MACROD2: variants seen among roughly 807,000 people sequenced by gnomAD.
The protein encoded by MACROD2 is mono-ADP ribosylhydrolase 2.
In MACROD2, 36 loss-of-function variants were observed where a neutral mutation model predicts 70.4. That is an observed-to-expected ratio of 0.51 (90% CI 0.39 to 0.68). The LOEUF is 0.68. MACROD2 is among the 30% of genes least tolerant of loss of function. The probability of loss-of-function intolerance (pLI) is 0.00; values close to 1 mark genes in which losing one functional copy is unlikely to be tolerated. For synonymous variants in MACROD2, 172 were observed against 178.8 expected, an observed-to-expected ratio of 0.96 and a Z score of 0.30; for missense variants, 496 against 538.4, an observed-to-expected ratio of 0.92 and a Z score of 0.78.
chr20:14,248,367 T>C (rs1302200220), intron 3 of MACROD2, among the ~76,000 whole-genome samples: 3 of 152,154 alleles, frequency 2.0e-5, no homozygotes, highest in Admixed American at 2.0e-4. Flanking sequence ...GTGGATCACC[T>C]GAGATCAAGA....
chr20:15,890,756 T>C (rs1255384426), intron 10 of MACROD2, among the ~76,000 whole-genome samples: 1 of 152,124 alleles, frequency 6.6e-6, no homozygotes, highest in Non-Finnish European at 1.5e-5. Context: ...TTTGTTCTGT[T>C]CCTTTTTTAA....
intron 13 of MACROD2, among the ~76,000 whole-genome samples, chr20:15,970,501 C>T (rs2066213747): frequency 6.6e-6 from 1 of 151,902 alleles, no homozygotes; most frequent in Non-Finnish European, 1.5e-5. Context: ...CTCAGTGGCC[C>T]CTGAGAGTCA....
chr20:14,645,514 G>A (rs865974667), intron 4 of MACROD2, among the ~76,000 whole-genome samples: 3 of 151,972 alleles, frequency 2.0e-5, no homozygotes, highest in Non-Finnish European at 4.4e-5. Flanking sequence ...TGATTGTGGT[G>A]TGCTTAATTT....
chr20:14,157,357 G>T (rs1285306812), intron 3 of MACROD2, among the ~76,000 whole-genome samples: 1 of 152,002 alleles, frequency 6.6e-6, no homozygotes, highest in African/African-American at 2.4e-5. Flanking sequence ...GGTGTTTGGG[G>T]TATCCATCAT....
intron 8 of MACROD2, among the ~76,000 whole-genome samples, chr20:15,709,269 G>A (rs1191657013): frequency 6.6e-6 from 1 of 152,208 alleles, no homozygotes; most frequent in Admixed American, 6.5e-5. Flanking sequence ...GGCTTTTCCA[G>A]GCTCCCGCTA....
chr20:14,915,601 C>T (rs2074081826), intron 5 of MACROD2, among the ~76,000 whole-genome samples: 1 of 152,166 alleles, frequency 6.6e-6, no homozygotes, highest in Non-Finnish European at 1.5e-5. Context: ...GCCTCGGCGT[C>T]CGAGGAGCGG....
chr20:15,962,007 T>C (rs1034390195), intron 12 of MACROD2, among the ~76,000 whole-genome samples: 1 of 152,210 alleles, frequency 6.6e-6, no homozygotes, highest in African/African-American at 2.4e-5. Flanking sequence ...ATTAACTTGA[T>C]TGAAAGGGTA....
At position 14,862,900 on chromosome 20, in the gene MACROD2, T is replaced by A. The variant is rs971364872; in HGVS notation, c.418+177941T>A. Among the ~76,000 whole-genome samples, 3 of 150,106 alleles carry A rather than the reference T, an allele frequency of 2.0e-5. No homozygotes were observed. In the Admixed American group the frequency reaches 2.0e-4, roughly 10 times the overall value. On this transcript the variant is annotated intron_variant, in intron 5 of 17. Coordinates refer to ENST00000684519, the MANE Select transcript of MACROD2 (RefSeq NM_001351661.2). ...TTGAACAATGAGCTGTACATTCCTA[T>A]ATGGGAGCCAAACTTTTAGTTAAAT...
chr20:15,734,295 T>C (rs1222323837), intron 8 of MACROD2, among the ~76,000 whole-genome samples: 3 of 152,040 alleles, frequency 2.0e-5, no homozygotes, highest in East Asian at 1.9e-4. Flanking sequence ...AGTCAGCAAA[T>C]AGGAGTACCT....
chr20:15,900,790 G>A (rs2147243079), intron 10 of MACROD2, among the ~76,000 whole-genome samples: 1 of 152,240 alleles, frequency 6.6e-6, no homozygotes, highest in South Asian at 2.1e-4. Flanking sequence ...TATGAGTATG[G>A]ACAGAACTCT....
At chr20:14,028,336 A>T (rs1400548614) in intron 2 of MACROD2, among the ~76,000 whole-genome samples, 1 of 145,498 alleles carries the variant, frequency 6.9e-6, no homozygotes, top group African/African-American at 2.5e-5. Flanking sequence ...ATTACAAGCC[A>T]GTGGATCTTA....
At chr20:14,716,789 G>A (rs1315754378) in intron 5 of MACROD2, among the ~76,000 whole-genome samples, 1 of 152,096 alleles carries the variant, frequency 6.6e-6, no homozygotes, top group Non-Finnish European at 1.5e-5. Flanking sequence ...CTGTCAGGAG[G>A]CATTATAATA....
chr20:15,381,771 CAA>C (rs2045647604), intron 6 of MACROD2, among the ~76,000 whole-genome samples: 1 of 152,086 alleles, frequency 6.6e-6, no homozygotes, highest in Admixed American at 6.6e-5. Flanking sequence ...GGTGTTGGGG[CAA>C]AGTTTGTGTT....
chr20:14,132,702 A>C, intron 3 of MACROD2, among the ~76,000 whole-genome samples: 1 of 151,740 alleles, frequency 6.6e-6, no homozygotes, highest in Non-Finnish European at 1.5e-5. Context: ...CAGTGGCTCA[A>C]TCTTAGCTCA....
chr20:15,609,971 C>T (rs1354693897), intron 8 of MACROD2, among the ~76,000 whole-genome samples: 1 of 152,192 alleles, frequency 6.6e-6, no homozygotes, highest in Admixed American at 6.5e-5. Context: ...TACAGATTAT[C>T]CCAGGCAATG....
At chr20:14,088,254 C>T (rs2054104333) in intron 3 of MACROD2, among the ~76,000 whole-genome samples, 1 of 146,532 alleles carries the variant, frequency 6.8e-6, no homozygotes, top group Middle Eastern at 3.7e-3. Context: ...TGCTTGAACC[C>T]GGGAGGCAGA....
At chr20:14,766,828 T>A (rs935483644) in intron 5 of MACROD2, among the ~76,000 whole-genome samples, 27 of 152,142 alleles carry the variant, frequency 1.8e-4, no homozygotes, top group African/African-American at 6.5e-4. Context: ...GATCTCTTTT[T>A]TCTTTTGTGT....
chr20:15,088,432 T>C (rs966330924), intron 5 of MACROD2, among the ~76,000 whole-genome samples: 2 of 28,374 alleles, frequency 7.0e-5, no homozygotes, highest in African/African-American at 1.6e-4. Context: ...TATATATATA[T>C]ATATATATAT....
chr20:15,887,302 C>T lies in MACROD2; in HGVS notation c.775+1491C>T, dbSNP rs577847608. Among the ~76,000 whole-genome samples the T allele has an allele frequency of 2.6e-5, 4 of 152,246 alleles. No homozygotes were observed. The East Asian group carries it at 7.7e-4, about 29-fold the overall frequency. On this transcript the variant is annotated intron_variant, in intron 10 of 17. Coordinates refer to ENST00000684519, the MANE Select transcript of MACROD2 (RefSeq NM_001351661.2). ...ATTATAGCTTCTATCTACTCTTCTC[C>T]AGTCCAAACATGTCTGATTCCTAAG...
Sources: gnomAD v4.1 joint callset for allele counts (sites outside exome capture counted in the v4.1 genomes callset) on GRCh38, gnomAD v4.1.1 for gene constraint, MANE v1.5 for transcripts, NCBI Gene and HGNC (gene_info 2026-07-23, HGNC 2026-07-21) for gene names.